THSD7B: variants seen among roughly 807,000 people sequenced by gnomAD.
THSD7B encodes the protein thrombospondin type-1 domain-containing protein 7B.
In THSD7B, 138 loss-of-function variants were observed where a neutral mutation model predicts 213.6. That is an observed-to-expected ratio of 0.65 (90% CI 0.56 to 0.74). THSD7B has a LOEUF of 0.74. Among genes scored for constraint, THSD7B ranks in the 30% least tolerant of loss-of-function variants. The pLI is 0.00. For synonymous variants in THSD7B, 742 were observed against 687.0 expected, an observed-to-expected ratio of 1.08 and a Z score of -1.25; for missense variants, 1,931 against 1,991.5, an observed-to-expected ratio of 0.97 and a Z score of 0.58.
intron 10 of THSD7B, among the ~76,000 whole-genome samples, chr2:137,264,939 C>G (rs926979883): frequency 6.6e-6 from 1 of 151,924 alleles, no homozygotes; most frequent in African/African-American, 2.4e-5. Context: ...AACTTGTCAT[C>G]TAGCATTAGG....
chr2:137,038,409 A>G (rs1054965803), intron 2 of THSD7B, among the ~76,000 whole-genome samples: 4 of 152,162 alleles, frequency 2.6e-5, no homozygotes, highest in Admixed American at 6.5e-5. Flanking sequence ...CCTTTCATGG[A>G]AAATCCACAC....
intron 15 of THSD7B, among the ~76,000 whole-genome samples, chr2:137,486,114 C>T (rs1396699103): frequency 1.3e-5 from 2 of 152,116 alleles, no homozygotes; most frequent in Admixed American, 6.5e-5. Flanking sequence ...CAGCTAACAT[C>T]ATAATGACAG....
intron 12 of THSD7B, among the ~76,000 whole-genome samples, chr2:137,378,387 A>G (rs1029259055): frequency 2.0e-5 from 3 of 152,154 alleles, no homozygotes; most frequent in Non-Finnish European, 4.4e-5. Context: ...ATTTCTACTC[A>G]GAGTGTATAT....
At chr2:137,148,135 T>C (rs1679741023) in intron 5 of THSD7B, among the ~76,000 whole-genome samples, 2 of 152,090 alleles carry the variant, frequency 1.3e-5, no homozygotes, top group Admixed American at 1.3e-4. Flanking sequence ...GTTCTCATGA[T>C]AGTGAGTGAG....
At chr2:137,071,965 A>G (rs911975883) in intron 3 of THSD7B, among the ~76,000 whole-genome samples, 7 of 152,120 alleles carry the variant, frequency 4.6e-5, no homozygotes, top group African/African-American at 9.7e-5. Context: ...CCATTGGTCT[A>G]TATCTCTGTT....
At chr2:137,508,931 C>T (rs764654221) in intron 15 of THSD7B, among the ~76,000 whole-genome samples, 9 of 152,106 alleles carry the variant, frequency 5.9e-5, no homozygotes, top group Non-Finnish European at 1.2e-4. Flanking sequence ...GGGCACTCTC[C>T]AACCTGCTGT....
chr2:137,290,019 G>T (rs2104831303), intron 12 of THSD7B, among the ~76,000 whole-genome samples: 1 of 151,948 alleles, frequency 6.6e-6, no homozygotes, highest in Non-Finnish European at 1.5e-5. Context: ...TTATAAAATG[G>T]CTCAATGTAC....
chr2:137,544,750 G>T (rs1375368), intron 15 of THSD7B, among the ~76,000 whole-genome samples: 48,062 of 151,382 alleles, frequency 0.32, 8,325 homozygotes, highest in African/African-American at 0.46. Flanking sequence ...ATAGTTAATG[G>T]CTTAATTTTA....
At chr2:137,091,491 TTTTTATTTTA>T (rs10660951) in intron 3 of THSD7B, among the ~76,000 whole-genome samples, 10 of 150,758 alleles carry the variant, frequency 6.6e-5, no homozygotes, top group East Asian at 3.9e-4. Flanking sequence ...AAACAACAGA[TTTTTATTTTA>T]TTTTATTTTA....
intron 3 of THSD7B, among the ~76,000 whole-genome samples, chr2:137,080,439 C>T (rs972910893): frequency 1.4e-5 from 2 of 147,454 alleles, no homozygotes; most frequent in Non-Finnish European, 3.0e-5. Context: ...GTCTCAAACT[C>T]CTGATCTCAA....
At chr2:137,113,532 G>A (rs2104937041) in intron 4 of THSD7B, among the ~76,000 whole-genome samples, 1 of 152,212 alleles carries the variant, frequency 6.6e-6, no homozygotes, top group South Asian at 2.1e-4. Context: ...CGCCTCCTGG[G>A]TTCAAGTGAT....
chr2:137,346,274 A>G (rs1457563967), intron 12 of THSD7B, among the ~76,000 whole-genome samples: 1 of 151,562 alleles, frequency 6.6e-6, no homozygotes, highest in African/African-American at 2.4e-5. Context: ...CCATCATTTT[A>G]CTTTATATTT....
intron 17 of THSD7B, among the ~76,000 whole-genome samples, chr2:137,611,647 AAAAC>A (rs1462927220): frequency 2.6e-5 from 4 of 152,162 alleles, no homozygotes; most frequent in African/African-American, 7.2e-5. Flanking sequence ...GAAGTTTGAA[AAAAC>A]AAACAAACAA....
chr2:137,162,944 G>C (rs1460711157), intron 6 of THSD7B, among the ~76,000 whole-genome samples: 1 of 152,148 alleles, frequency 6.6e-6, no homozygotes, highest in African/African-American at 2.4e-5. Flanking sequence ...GTTTTTAGTA[G>C]AGACGGGGTT....
At chr2:136,947,996 AACCATCAGTAATGGC>A (rs1218074568) in intron 2 of THSD7B, among the ~76,000 whole-genome samples, 2 of 152,184 alleles carry the variant, frequency 1.3e-5, no homozygotes, top group African/African-American at 4.8e-5. Flanking sequence ...ACGCCTGATG[AACCATCAGTAATGGC>A]ACCATCAGCA....
chr2:136,901,293 C>T (rs186346819), intron 2 of THSD7B, among the ~76,000 whole-genome samples: 3 of 152,252 alleles, frequency 2.0e-5, no homozygotes, highest in East Asian at 1.9e-4. Context: ...TTTAATGATC[C>T]GAATATGGAA....
At chr2:137,048,057 T>C (rs989234976) in intron 2 of THSD7B, among the ~76,000 whole-genome samples, 3 of 150,096 alleles carry the variant, frequency 2.0e-5, no homozygotes, top group Admixed American at 1.3e-4. Flanking sequence ...ATCCCTCCCC[T>C]TGCCCCCCAC....
chr2:137,464,999 G>T (rs1394251391), intron 15 of THSD7B, among the ~76,000 whole-genome samples: 1 of 151,862 alleles, frequency 6.6e-6, no homozygotes, highest in Non-Finnish European at 1.5e-5. Context: ...CAAGATTATT[G>T]CAAAGAGCAA....
chr2:137,407,766 A>G (rs1558787120), intron 13 of THSD7B, among the ~76,000 whole-genome samples: 1 of 152,068 alleles, frequency 6.6e-6, no homozygotes, highest in Non-Finnish European at 1.5e-5. Flanking sequence ...TCTTTTGTCC[A>G]TTTGTAACAG....
Sources: allele counts gnomAD v4.1 joint callset (sites outside exome capture counted in the v4.1 genomes callset), GRCh38; gene constraint gnomAD v4.1.1; transcripts MANE v1.5; gene names NCBI Gene and HGNC (gene_info 2026-07-23, HGNC 2026-07-21).